Variants in AGBL3 observed in about 807,000 individuals in gnomAD.
AGBL3 encodes the protein cytosolic carboxypeptidase 3.
Under a neutral mutation model 94.5 loss-of-function variants are expected in AGBL3, and 68 were observed. The ratio of observed to expected loss-of-function variants is 0.72; its 90% CI spans 0.59 to 0.88. The LOEUF is 0.88. AGBL3 is among the 40% of genes least tolerant of loss of function. The probability of loss-of-function intolerance (pLI) is 0.00; values close to 1 mark genes in which losing one functional copy is unlikely to be tolerated. For missense variants in AGBL3, 934 were observed against 1,103.8 expected, an observed-to-expected ratio of 0.85 and a Z score of 2.18; for synonymous variants, 354 against 370.7, an observed-to-expected ratio of 0.95 and a Z score of 0.52.
chr7:135,129,435 G>C (rs1828420194), intron 16 of AGBL3: 2 of 784,668 alleles, frequency 2.5e-6, no homozygotes, highest in Non-Finnish European at 4.7e-6. Context: ...GGCACTGGAA[G>C]AGATGGAAAG....
rs1809452143 is a variant in AGBL3 at position 134,986,556 on chromosome 7, A to C, written c.-205A>C. The C allele has an allele frequency of 6.6e-6, 1 of 152,226 alleles. No homozygotes were observed. The highest frequency in any genetic ancestry group is 1.5e-5 in the Non-Finnish European group (1 of 68,180). The allele number at this position is 152,226 out of a possible 1,614,324, so 9.4% of individuals were successfully genotyped here. On this transcript the variant is annotated 5_prime_UTR_variant, in exon 1 of 17. Coordinates refer to ENST00000436302, the MANE Select transcript of AGBL3 (RefSeq NM_178563.4). ...AGTGTGGCTGGGGCTGCGGATCTCC[A>C]GCAGTGGCGTTACTTCTAGCGGCTG...
chr7:135,022,964 T>C (rs1448181408), intron 5 of AGBL3, among the ~76,000 whole-genome samples: 2 of 152,208 alleles, frequency 1.3e-5, no homozygotes. Flanking sequence ...ATTTTATTAT[T>C]CCATTTTATC....
In AGBL3 at chr7:135,105,070, G is replaced by GTTTT. The variant is rs71172498; in HGVS notation, c.2111-10296_2111-10293dup. On this transcript the variant is annotated intron_variant, in intron 15 of 16. Coordinates refer to ENST00000436302, the MANE Select transcript of AGBL3 (RefSeq NM_178563.4). ...TTATAGTTTTGGGTTTTACATTCAA[G>GTTTT]TTTTTTTTTTTTTTTTTGAGATGGA... Among the ~76,000 whole-genome samples the GTTTT allele has an allele frequency of 2.4e-4, 30 of 127,066 alleles. 1 individual carries two copies. The highest frequency in any genetic ancestry group is 4.5e-4 in the East Asian group (2 of 4,486). The allele number at this position is 127,066 out of a possible 152,430, so 83.4% of individuals were successfully genotyped here.
intron 14 of AGBL3, 62 bp downstream of exon 14, chr7:135,080,322 G>C: frequency 7.0e-7 from 1 of 1,418,972 alleles, no homozygotes; most frequent in Non-Finnish European, 9.7e-7. Flanking sequence ...AAGAATTTTT[G>C]GTGCCACAAC....
chr7:135,069,946 T>G (rs1315782121), intron 12 of AGBL3, among the ~76,000 whole-genome samples: 1 of 152,088 alleles, frequency 6.6e-6, no homozygotes, highest in African/African-American at 2.4e-5. Context: ...GCTGGTTTTT[T>G]GAAAACATCA....
In AGBL3 at chr7:135,134,870, A is replaced by C; in HGVS notation, c.2372A>C (p.Lys791Thr). The change falls in exon 17 of 17, where the codon AAG becomes ACG. Residue 791 changes from lysine (K) to threonine (T), a missense_variant. Physicochemically the swap from Lys to Thr is moderately conservative, Grantham distance 78. Around this residue, in one of 3 missense-constraint regions of AGBL3, gnomAD observed 441 missense variants for 518.2 expected, o/e 0.85. Transcript: ENST00000436302. ...QLNPATCRNI[K>T]KYSTSWTAPR... is the part of the protein sequence containing the mutation. The stretch of plus-strand genomic sequence containing the variant: ...AATCCGGCTACTTGCAGAAATATAA[A>C]GAAATACAGCACATCTTGGACAGCA... 1 of 1,550,264 alleles carries C rather than the reference A, an allele frequency of 6.5e-7. No individual in the cohort carries two copies. Among genetic ancestry groups the C allele is most frequent in the Non-Finnish European group, 8.7e-7 (1 of 1,146,282 alleles).
At position 135,072,752 on chromosome 7, in the gene AGBL3, C is replaced by T. The variant is rs1046250798; in HGVS notation, c.1909-3645C>T. 7.4e-5 allele frequency among the ~76,000 whole-genome samples: 7 copies of T among 95,076 alleles called. No homozygotes were observed. In the Admixed American group the frequency reaches 7.4e-4, roughly 10 times the overall value. 62.4% of individuals were successfully genotyped at this position (95,076 alleles called of 152,430 possible). On this transcript the variant is annotated intron_variant, in intron 12 of 16. Coordinates refer to ENST00000436302, the MANE Select transcript of AGBL3 (RefSeq NM_178563.4). Reference sequence around the variant, plus strand: ...ACACAGGAAGGGGAACATCACACACCGGGGCTTGTTGTGGAGTGGGGGAGG... The same window carrying T: ...ACACAGGAAGGGGAACATCACACACTGGGGCTTGTTGTGGAGTGGGGGAGG...
intron 16 of AGBL3, among the ~76,000 whole-genome samples, chr7:135,116,772 T>C (rs966041079): frequency 6.6e-5 from 10 of 152,178 alleles, no homozygotes; most frequent in East Asian, 5.8e-4. Context: ...GGGCACTGTT[T>C]ATCTGTGGTG....
chr7:135,090,364 T>C (rs1158152705), intron 15 of AGBL3, among the ~76,000 whole-genome samples: 1 of 152,136 alleles, frequency 6.6e-6, no homozygotes, highest in Non-Finnish European at 1.5e-5. Flanking sequence ...CTAGTTCAAC[T>C]CTAGGGAAAC....
chr7:135,026,192 C>T (rs1324862370), intron 5 of AGBL3, among the ~76,000 whole-genome samples: 1 of 139,286 alleles, frequency 7.2e-6, no homozygotes, highest in African/African-American at 2.5e-5. Flanking sequence ...AAATTGAAAT[C>T]ACCCCAAGCA....
chr7:135,069,326 A>T (rs892711350), intron 12 of AGBL3, among the ~76,000 whole-genome samples: 1 of 152,180 alleles, frequency 6.6e-6, no homozygotes, highest in African/African-American at 2.4e-5. Flanking sequence ...CAAGACAGAA[A>T]GTTAACAAGG....
intron 12 of AGBL3, 86 bp downstream of exon 12, chr7:135,059,321 C>A: frequency 2.6e-6 from 2 of 756,178 alleles, no homozygotes; most frequent in South Asian, 2.1e-5. Context: ...AAAAAAATTG[C>A]AGATATGTAA....
At chr7:135,133,088 C>A (rs552451363) in intron 16 of AGBL3, among the ~76,000 whole-genome samples, 1 of 152,038 alleles carries the variant, frequency 6.6e-6, no homozygotes, top group East Asian at 1.9e-4. Flanking sequence ...CACACACACA[C>A]ACACACACAC....
chr7:135,087,718 C>T (rs1484575282), intron 15 of AGBL3, among the ~76,000 whole-genome samples: 1 of 151,830 alleles, frequency 6.6e-6, no homozygotes, highest in African/African-American at 2.4e-5. Flanking sequence ...TTTTAAATTT[C>T]TTGAAAATTA....
At chr7:135,054,616 A>G (rs906808027) in intron 11 of AGBL3, among the ~76,000 whole-genome samples, 3 of 152,208 alleles carry the variant, frequency 2.0e-5, no homozygotes, top group South Asian at 4.1e-4. Context: ...TGTGGTAAAT[A>G]TAATAAACTA....
chr7:134,988,096 G>T, intron 2 of AGBL3, 100 bp downstream of exon 2: 3 of 946,864 alleles, frequency 3.2e-6, no homozygotes, highest in Non-Finnish European at 4.6e-6. Context: ...AAAATCAATT[G>T]GATGTTTAAA....
chr7:134,987,825 T>C (rs1233543211), intron 1 of AGBL3, 50 bp from the exon 2 acceptor site: 2 of 739,236 alleles, frequency 2.7e-6, no homozygotes, highest in Non-Finnish European at 4.6e-6. Context: ...TCATTTAATG[T>C]AGTAAACACC....
chr7:135,012,003 G>GA (rs894124631), intron 4 of AGBL3: 1 of 152,084 alleles, frequency 6.6e-6, no homozygotes, highest in Non-Finnish European at 1.5e-5. Context: ...GCCCCAAACT[G>GA]AAACAGCCCA....
Position 134,988,201 on chromosome 7 carries a change from A to T in AGBL3, c.63+205A>T, listed in dbSNP as rs11982322. On this transcript the variant is annotated intron_variant, in intron 2 of 16. Transcript: ENST00000436302. ...GTCTAGAAAGAGAAACTATATTTGT[A>T]TTTTTTTTGAGAAAATATTTTAGCT... 706 of 381,674 alleles carry T rather than the reference A, an allele frequency of 1.8e-3. 4 individuals are homozygous for T. Among genetic ancestry groups the T allele is most frequent in the African/African-American group, 0.013 (621 of 47,138 alleles). The allele number at this position is 381,674 out of a possible 1,614,324, so 23.6% of individuals were successfully genotyped here.
Sources: allele counts gnomAD v4.1 joint callset (sites outside exome capture counted in the v4.1 genomes callset), GRCh38; gene constraint gnomAD v4.1.1; regional missense constraint gnomAD v4.1.1; transcripts MANE v1.5; gene names NCBI Gene and HGNC (gene_info 2026-07-23, HGNC 2026-07-21).